KAZN: variants seen among roughly 807,000 people sequenced by gnomAD.
The protein encoded by KAZN is kazrin, periplakin interacting protein, also known as kazrin.
KAZN carries 40 observed loss-of-function variants against 87.4 expected under a neutral mutation model. The observed-to-expected ratio is 0.46, with a 90% CI of 0.36 to 0.60. KAZN has a LOEUF of 0.60. Ranked by LOEUF, KAZN falls within the 20% of genes least tolerant of loss-of-function variation. KAZN has a pLI of 0.00. For synonymous variants in KAZN, 466 were observed against 458.3 expected (o/e 1.02, Z -0.22); for missense variants, 898 against 1,073.9 (o/e 0.84, Z 2.29).
At chr1:14,575,375 A>T (rs1014338969) in intron 2 of KAZN, among the ~76,000 whole-genome samples, 2 of 152,210 alleles carry the variant, frequency 1.3e-5, no homozygotes, top group Non-Finnish European at 2.9e-5. Flanking sequence ...ACATGGTGGC[A>T]GACAAGAGAG....
intron 2 of KAZN, among the ~76,000 whole-genome samples, chr1:14,413,084 T>C (rs1664436172): frequency 6.7e-6 from 1 of 149,730 alleles, no homozygotes; most frequent in South Asian, 2.1e-4. Context: ...ATCCATTTGT[T>C]TATATATAAT....
chr1:14,392,031 G>A (rs1662482632), intron 2 of KAZN, among the ~76,000 whole-genome samples: 1 of 151,950 alleles, frequency 6.6e-6, no homozygotes, highest in Non-Finnish European at 1.5e-5. Context: ...AATATGACAA[G>A]TCCTTGGGAG....
chr1:15,102,087 G>T (rs1641092871), intron 11 of KAZN, among the ~76,000 whole-genome samples: 1 of 152,176 alleles, frequency 6.6e-6, no homozygotes, highest in African/African-American at 2.4e-5. Flanking sequence ...AGAGCTAAGT[G>T]CTTACCAGAG....
At chr1:14,372,229 A>G (rs547056215) in intron 2 of KAZN, among the ~76,000 whole-genome samples, 2 of 152,358 alleles carry the variant, frequency 1.3e-5, no homozygotes, top group East Asian at 3.9e-4. Context: ...ACATATAGCT[A>G]TAGTGTGGTT....
chr1:15,000,866 G>A (rs1668395210), intron 2 of KAZN, among the ~76,000 whole-genome samples: 1 of 151,952 alleles, frequency 6.6e-6, no homozygotes, highest in Non-Finnish European at 1.5e-5. Context: ...CGCTTTGGGA[G>A]GCCAAGGCGG....
Position 14,417,573 on chromosome 1 carries a change from CTGGT to C in KAZN, c.250-181406_250-181403del, listed in dbSNP as rs1379244824. 9.2e-5 allele frequency among the ~76,000 whole-genome samples: 14 copies of C among 152,310 alleles called. No individual in the cohort carries two copies. In the East Asian group the frequency reaches 2.3e-3, roughly 25 times the overall value. The stretch of plus-strand genomic sequence containing the variant: ...AGACTGGGATATTGGCCCCTCCTGG[CTGGT>C]TGGAGTCAAACCAGAGAAACAGGTG... On this transcript the variant is annotated intron_variant, in intron 2 of 16. Transcript: ENST00000636203.
intron 3 of KAZN, among the ~76,000 whole-genome samples, chr1:15,038,591 T>C (rs1264724522): frequency 1.3e-5 from 2 of 151,968 alleles, no homozygotes; most frequent in African/African-American, 4.8e-5. Flanking sequence ...CAATATCCAA[T>C]GTTTATTGTG....
At position 15,065,758 on chromosome 1, in the gene KAZN, C is replaced by T. The variant is rs776033657; in HGVS notation, c.1222+5C>T. 1.1e-5 allele frequency: 17 copies of T among 1,614,034 alleles called. No individual in the cohort carries two copies. Among genetic ancestry groups the T allele is most frequent in the Admixed American group, 1.7e-5 (1 of 59,998 alleles). On this transcript the variant is annotated splice_donor_5th_base_variant and intron_variant, in intron 8 of 14. Transcript: ENST00000376030. ...TCGACCCCGGCCTCTTTGATGGTAC[C>T]GCCCCTGATTATTACATAGAGGAGG...
chr1:14,584,830 G>A (rs961170140), intron 2 of KAZN, among the ~76,000 whole-genome samples: 6 of 152,120 alleles, frequency 3.9e-5, no homozygotes, highest in African/African-American at 1.4e-4. Flanking sequence ...TTTAGGTAGA[G>A]ATGCGGTTTT....
At chr1:13,993,152 C>T (rs1639363091) in intron 1 of KAZN, among the ~76,000 whole-genome samples, 1 of 152,138 alleles carries the variant, frequency 6.6e-6, no homozygotes, top group Admixed American at 6.6e-5. Context: ...TCCTCTTTTC[C>T]CTCTCCCATG....
intron 2 of KAZN, among the ~76,000 whole-genome samples, chr1:14,425,287 A>G (rs1254430267): frequency 6.6e-6 from 1 of 152,334 alleles, no homozygotes; most frequent in African/African-American, 2.4e-5. Flanking sequence ...AGCTCCTGCC[A>G]TAGCTGGGGG....
intron 1 of KAZN, among the ~76,000 whole-genome samples, chr1:14,920,276 G>GGT (rs748284882): frequency 2.1e-5 from 2 of 94,158 alleles, no homozygotes; most frequent in Non-Finnish European, 4.0e-5. Context: ...CCTCTTTTCT[G>GGT]TTTTTTTTTT....
intron 1 of KAZN, among the ~76,000 whole-genome samples, chr1:14,656,480 A>G (rs538183781): frequency 6.6e-5 from 10 of 152,330 alleles, no homozygotes; most frequent in South Asian, 6.2e-4. Flanking sequence ...CAGATGCTCA[A>G]TCCTCATGTC....
chr1:14,423,603 T>C (rs1665552533), intron 2 of KAZN, among the ~76,000 whole-genome samples: 1 of 152,158 alleles, frequency 6.6e-6, no homozygotes, highest in African/African-American at 2.4e-5. Context: ...GAGCACTTAC[T>C]ATGGATCAAG....
chr1:14,322,068 C>T (rs972530279), intron 2 of KAZN, among the ~76,000 whole-genome samples: 1 of 152,126 alleles, frequency 6.6e-6, no homozygotes, highest in Admixed American at 6.6e-5. Flanking sequence ...ATTTTTGAAG[C>T]TCAACTTATC....
At chr1:13,919,969 A>T (rs1308972868) in intron 1 of KAZN, among the ~76,000 whole-genome samples, 1 of 152,146 alleles carries the variant, frequency 6.6e-6, no homozygotes, top group African/African-American at 2.4e-5. Context: ...CCTTTTCTGT[A>T]TGAATATCCT....
intron 1 of KAZN, among the ~76,000 whole-genome samples, chr1:14,140,156 G>A (rs1355029504): frequency 6.6e-6 from 1 of 152,076 alleles, no homozygotes; most frequent in African/African-American, 2.4e-5. Context: ...TCCTTAAAGG[G>A]AAGGGCTTTA....
intron 1 of KAZN, among the ~76,000 whole-genome samples, chr1:13,935,693 G>A (rs937965673): frequency 5.9e-5 from 9 of 152,042 alleles, no homozygotes; most frequent in Non-Finnish European, 1.0e-4. Flanking sequence ...GACAATCCCC[G>A]CTATAAATAT....
intron 1 of KAZN, among the ~76,000 whole-genome samples, chr1:14,854,193 G>A (rs1649800407): frequency 6.6e-6 from 1 of 152,192 alleles, no homozygotes; most frequent in African/African-American, 2.4e-5. Flanking sequence ...GAGGCACAGA[G>A]AAGAAAAGGG....
Sources: gnomAD v4.1 joint callset for allele counts (sites outside exome capture counted in the v4.1 genomes callset) on GRCh38, gnomAD v4.1.1 for gene constraint, MANE v1.5 for transcripts, NCBI Gene and HGNC (gene_info 2026-07-23, HGNC 2026-07-21) for gene names.